Variants in SPX observed in about 807,000 individuals in gnomAD.
SPX encodes the protein spexin.
Under a neutral mutation model 19.2 loss-of-function variants are expected in SPX, and 22 were observed. The ratio of observed to expected loss-of-function variants is 1.15; its 90% CI spans 0.82 to 1.64. SPX has a LOEUF of 1.64. Ranked by LOEUF, SPX falls within the 40% of genes most tolerant of loss-of-function variation. The probability of loss-of-function intolerance (pLI) is 0.00; values close to 1 mark genes in which losing one functional copy is unlikely to be tolerated. For synonymous variants in SPX, 50 were observed against 53.3 expected, an observed-to-expected ratio of 0.94 and a Z score of 0.27; for missense variants, 143 against 137.7, an observed-to-expected ratio of 1.04 and a Z score of -0.19.
chr12:21,530,012 G>C (rs1331620682), intron 5 of SPX, among the ~76,000 whole-genome samples: 1 of 152,038 alleles, frequency 6.6e-6, no homozygotes, highest in Non-Finnish European at 1.5e-5. Flanking sequence ...AAAGAGGAGA[G>C]GTATCTTCAT....
intron 1 of SPX, 121 bp downstream of exon 1, chr12:21,526,599 C>T (rs1237125415): frequency 1.0e-6 from 1 of 959,646 alleles, no homozygotes; most frequent in Non-Finnish European, 1.6e-6. Flanking sequence ...AACGATACGC[C>T]TTTAGAATAA....
intron 4 of SPX, among the ~76,000 whole-genome samples, chr12:21,528,656 A>G (rs1565586694): frequency 1.3e-5 from 2 of 152,224 alleles, no homozygotes; most frequent in African/African-American, 4.8e-5. Flanking sequence ...TCTTTTTTCA[A>G]CTTAGATTTG....
rs754214547 is a variant in SPX, at chr12:21,529,045, G to A, written c.253G>A (p.Ala85Thr). Residue 85 changes from alanine to threonine, a missense_variant, in exon 5 of 6, where the codon GCA (alanine) becomes ACA (threonine). Physicochemically the swap from Ala to Thr is moderately conservative, Grantham distance 58. Transcript: ENST00000256969. ...NPQLLTIPEA[A>T]TILLASLQKS... is the part of the protein sequence containing the mutation. ...CCAACTACTAACTATTCCGGAGGCA[G>A]CAACCATCTTACTGGCGTCCCTTCA... is the stretch of plus-strand genomic sequence containing the variant. 12 of 1,614,138 alleles carry A rather than the reference G, an allele frequency of 7.4e-6. No homozygotes were observed. Among genetic ancestry groups the A allele is most frequent in the Non-Finnish European group, 1.0e-5 (12 of 1,180,006 alleles).
chr12:21,527,848 G>C (rs933906667), intron 4 of SPX, 59 bp downstream of exon 4: 7 of 1,519,810 alleles, frequency 4.6e-6, no homozygotes, highest in Non-Finnish European at 5.4e-6. Flanking sequence ...GATGGGGCGG[G>C]CAGGGCTTGC....
rs994105027 is a variant in SPX at position 21,532,901 on chromosome 12, T to A, written c.*1706T>A. On this transcript the variant is annotated 3_prime_UTR_variant, in exon 6 of 6. Coordinates refer to ENST00000256969, the MANE Select transcript of SPX (RefSeq NM_030572.4). The stretch of plus-strand genomic sequence containing the variant: ...TCTAAGTACTCAAATTCCTTGAATG[T>A]TCTTATGTACAAATATGCTGATTAA... The A allele has an allele frequency of 6.6e-6, 1 of 152,220 alleles. No homozygotes were observed. The highest frequency in any genetic ancestry group is 2.4e-5 in the African/African-American group (1 of 41,464). The allele number at this position is 152,220 out of a possible 1,614,324, so 9.4% of individuals were successfully genotyped here. A position where few individuals can be genotyped will look rare whatever the true frequency, so the allele number is the denominator to read the frequency against.
intron 4 of SPX, chr12:21,528,019 G>T (rs894819342): frequency 1.5e-5 from 8 of 538,004 alleles, no homozygotes; most frequent in Admixed American, 3.3e-5. Context: ...CGCGCCAATG[G>T]TGGCAAGGGC....
At chr12:21,531,004 C>T in intron 5 of SPX, 133 bp from the exon 6 acceptor site, 1 of 611,448 alleles carries the variant, frequency 1.6e-6, no homozygotes, top group Non-Finnish European at 2.8e-6. Context: ...TTTAAATTTT[C>T]AGTAGCAGAG....
At chr12:21,528,733 G>T (rs1392501511) in intron 4 of SPX, among the ~76,000 whole-genome samples, 1 of 152,118 alleles carries the variant, frequency 6.6e-6, no homozygotes, top group African/African-American at 2.4e-5. Context: ...GGCCGCAAAG[G>T]TTAAATTATT....
intron 5 of SPX, among the ~76,000 whole-genome samples, chr12:21,530,060 T>A (rs1177199419): frequency 6.6e-6 from 1 of 152,198 alleles, no homozygotes; most frequent in East Asian, 1.9e-4. Context: ...TAGGTCCCCA[T>A]CTCAAGTCTT....
Position 21,531,135 on chromosome 12 carries a change from A to C in SPX, c.293-2A>C. ...ATTTTAAAGAATTTTTTTTTCTTAC[A>C]GATGAAGAAAAAAACTTTGATCAAA... On this transcript the variant is annotated splice_acceptor_variant, in intron 5 of 5. Transcript: ENST00000256969. LOFTEE classifies it high-confidence loss of function. 3.8e-6 allele frequency: 6 copies of C among 1,561,908 alleles called. No homozygotes were observed. Among genetic ancestry groups the C allele is most frequent in the Non-Finnish European group, 5.2e-6 (6 of 1,145,820 alleles).
chr12:21,532,757 C>T lies in SPX; in HGVS notation c.*1562C>T, dbSNP rs965468443. ...TGTATTCAAAGAACACTTTTAACAT[C>T]TATCTTATGAAATAATTCTTCCTAC... On this transcript the variant is annotated 3_prime_UTR_variant, in exon 6 of 6. Transcript: ENST00000256969. 6.6e-6 allele frequency: 1 copy of T among 152,178 alleles called. No homozygotes were observed. Among genetic ancestry groups the T allele is most frequent in the Non-Finnish European group, 1.5e-5 (1 of 68,024 alleles). 9.4% of individuals were successfully genotyped at this position (152,178 alleles called of 1,614,324 possible).
At chr12:21,527,558 G>C in intron 3 of SPX, 169 bp from the exon 4 acceptor site, 1 of 693,906 alleles carries the variant, frequency 1.4e-6, no homozygotes, top group Non-Finnish European at 2.4e-6. Context: ...GGCTCAGCCC[G>C]GGGTTGCGCT....
rs1392465573 is a variant in SPX at position 21,532,810 on chromosome 12, C to T, written c.*1615C>T. The T allele has an allele frequency of 3.9e-5, 6 of 152,308 alleles. No individual in the cohort carries two copies. The highest frequency in any genetic ancestry group is 6.8e-3 in the Middle Eastern group (2 of 294). The allele number at this position is 152,308 out of a possible 1,614,324, so 9.4% of individuals were successfully genotyped here. On this transcript the variant is annotated 3_prime_UTR_variant, in exon 6 of 6. Transcript: ENST00000256969. Reference sequence around the variant, plus strand: ...CTAACCAGAACAATCTCAAAAATGTCATACTAACCATTGTTTTAAAAGCTG... The same window carrying T: ...CTAACCAGAACAATCTCAAAAATGTTATACTAACCATTGTTTTAAAAGCTG...
At chr12:21,531,062 T>G (rs1943860686) in intron 5 of SPX, 75 bp from the exon 6 acceptor site, 1 of 903,116 alleles carries the variant, frequency 1.1e-6, no homozygotes, top group Non-Finnish European at 1.7e-6. Context: ...TTTCCTGAGA[T>G]TCTCTTTGTC....
Position 21,531,234 on chromosome 12 carries a change from T to C in SPX, c.*39T>C. The C allele has an allele frequency of 7.1e-7, 1 of 1,417,308 alleles. No homozygotes were observed. Among genetic ancestry groups the C allele is most frequent in the Non-Finnish European group, 9.7e-7 (1 of 1,029,644 alleles). The allele number at this position is 1,417,308 out of a possible 1,614,324, so 87.8% of individuals were successfully genotyped here. ...TATGTTTAATTATGGTTCTATTCTC[T>C]TTGAAAACATGAACCATGTGAATAA... is the stretch of plus-strand genomic sequence containing the variant. On this transcript the variant is annotated 3_prime_UTR_variant, in exon 6 of 6. Transcript: ENST00000256969.
intron 4 of SPX, among the ~76,000 whole-genome samples, chr12:21,528,495 T>C (rs1237586007): frequency 6.6e-6 from 1 of 152,204 alleles, no homozygotes. Flanking sequence ...CCAAACACTG[T>C]TGAACACATA....
At chr12:21,530,498 C>G (rs191066685) in intron 5 of SPX, among the ~76,000 whole-genome samples, 1 of 152,046 alleles carries the variant, frequency 6.6e-6, no homozygotes, top group African/African-American at 2.4e-5. Context: ...GCACTTTGCC[C>G]CTGGCCACTG....
At position 21,532,219 on chromosome 12, in the gene SPX, T is replaced by C. The variant is rs1943872273; in HGVS notation, c.*1024T>C. 1 of 152,216 alleles carries C rather than the reference T, an allele frequency of 6.6e-6. No individual in the cohort carries two copies. The highest frequency in any genetic ancestry group is 6.5e-5 in the Admixed American group (1 of 15,282). The allele number at this position is 152,216 out of a possible 1,614,324, so 9.4% of individuals were successfully genotyped here. A position where few individuals can be genotyped will look rare whatever the true frequency, so the allele number is the denominator to read the frequency against. ...ATAATGTATTTATTTAGAATTATAA[T>C]ATGACCATCATGTTAATTATTTTTT... On this transcript the variant is annotated 3_prime_UTR_variant, in exon 6 of 6. Transcript: ENST00000256969.
intron 3 of SPX, chr12:21,527,404 T>C: frequency 1.6e-6 from 1 of 612,180 alleles, no homozygotes; most frequent in Non-Finnish European, 2.9e-6. Context: ...AAATTCTCCA[T>C]CCAAAACTGG....
Sources: allele counts gnomAD v4.1 joint callset (sites outside exome capture counted in the v4.1 genomes callset), GRCh38; gene constraint gnomAD v4.1.1; transcripts MANE v1.5; gene names NCBI Gene and HGNC (gene_info 2026-07-23, HGNC 2026-07-21).